Variants in PKN3 observed in about 807,000 individuals in gnomAD.
The protein encoded by PKN3 is serine/threonine-protein kinase N3.
A neutral mutation model predicts 113.1 loss-of-function variants in PKN3; 91 were observed. The observed-to-expected ratio is 0.80, with a 90% CI of 0.68 to 0.96. The LOEUF (loss-of-function observed/expected upper bound fraction) is 0.96. Among genes scored for constraint, PKN3 ranks in the 40% least tolerant of loss-of-function variants. The pLI is 0.00. For missense variants in PKN3, 1,052 were observed against 1,202.2 expected, an observed-to-expected ratio of 0.88 and a Z score of 1.85; for synonymous variants, 467 against 499.0, an observed-to-expected ratio of 0.94 and a Z score of 0.85.
rs776178791 is a variant in PKN3 at position 128,705,404 on chromosome 9, C to A, written c.126C>A (p.Arg42=). The change falls in exon 2 of 22, where the codon CGC becomes CGA. Residue 42 remains arginine (R), a synonymous_variant. Transcript: ENST00000291906. The part of the protein sequence containing the change: ...KIKEGVENLR[R]VATDRRHLGH... ...AGGAGGGGGTGGAGAACCTGCGGCG[C>A]GTGGCCACAGACCGCCGCCACTTGG... The A allele has an allele frequency of 1.3e-6, 2 of 1,597,114 alleles. No individual in the cohort carries two copies. The highest frequency in any genetic ancestry group is 4.5e-5 in the East Asian group (2 of 44,004).
In PKN3 at chr9:128,714,285, C is replaced by T. The variant is rs1272476285; in HGVS notation, c.1401C>T (p.Ser467=). The change falls in exon 11 of 22, where the codon TCC becomes TCT. Residue 467 remains serine, a synonymous_variant. Coordinates refer to ENST00000291906, the MANE Select transcript of PKN3 (RefSeq NM_013355.5). ...TGAACCTGCTGCCCCCCTGCAGCTCCCCGAGCACAATCAGCCCCCCTAAAG... is the reference window on the plus strand; with the variant it reads ...TGAACCTGCTGCCCCCCTGCAGCTCTCCGAGCACAATCAGCCCCCCTAAAG... ...LVMNLLPPCS[S]PSTISPPKGC... The T allele has an allele frequency of 1.2e-6, 2 of 1,613,552 alleles. No homozygotes were observed. The highest frequency in any genetic ancestry group is 2.7e-5 in the African/African-American group (2 of 74,868).
At chr9:128,717,407 C>T (rs113422256) in intron 16 of PKN3, among the ~76,000 whole-genome samples, 12,747 of 151,212 alleles carry the variant, frequency 0.084, 1,820 homozygotes, top group African/African-American at 0.29. Flanking sequence ...AGATTACAGG[C>T]GTGAGCCACC....
chr9:128,710,499 CT>C (rs568117410), intron 6 of PKN3, among the ~76,000 whole-genome samples: 8 of 149,166 alleles, frequency 5.4e-5, no homozygotes, highest in Admixed American at 6.7e-5. Context: ...ATTTTCTTTT[CT>C]TTTTTTTTTG....
chr9:128,715,054 T>G lies in PKN3; in HGVS notation c.1653-118T>G. 8.4e-7 allele frequency: 1 copy of G among 1,188,720 alleles called. No homozygotes were observed. The highest frequency in any genetic ancestry group is 1.3e-5 in the South Asian group (1 of 78,206). The allele number at this position is 1,188,720 out of a possible 1,614,324, so 73.6% of individuals were successfully genotyped here. On this transcript the variant is annotated intron_variant, in intron 13 of 21. Transcript: ENST00000291906. The surrounding 1 kb of genome is among the most constrained non-coding windows in gnomAD (Gnocchi z 4.1). ...CTTCTAGGAGTCCTTACTGCAGGGCTTTTTCGAGCCCATAGGTCGGGACAG... is the reference window on the plus strand; with the variant it reads ...CTTCTAGGAGTCCTTACTGCAGGGCGTTTTCGAGCCCATAGGTCGGGACAG...
In PKN3 at chr9:128,706,790, C is replaced by T; in HGVS notation, c.489C>T (p.Ile163=). 1 of 1,610,738 alleles carries T rather than the reference C, an allele frequency of 6.2e-7. No homozygotes were observed. The highest frequency in any genetic ancestry group is 8.5e-7 in the Non-Finnish European group (1 of 1,178,074). ...AGGTGGCCCTGCTGCGGATGAAGAT[C>T]AGCAGCCTGGAGGCCAGTGGGTCCC... ...QLKVALLRMK[I]SSLEASGSPE... Residue 163 remains isoleucine, a synonymous_variant, in exon 4 of 22, where the codon ATC becomes ATT. Coordinates refer to ENST00000291906, the MANE Select transcript of PKN3 (RefSeq NM_013355.5).
At chr9:128,718,147 C>T (rs977911007) in intron 16 of PKN3, among the ~76,000 whole-genome samples, 178 bp from the exon 17 acceptor site, 2 of 152,082 alleles carry the variant, frequency 1.3e-5, no homozygotes, top group South Asian at 2.1e-4. Context: ...AACCTTGGGG[C>T]GACCTTGGGA....
rs147135347 is a variant in PKN3 at position 128,711,685 on chromosome 9, G to A, written c.836-1367G>A. 3.9e-3 allele frequency among the ~76,000 whole-genome samples: 590 copies of A among 151,562 alleles called. 4 individuals carry two copies. Among genetic ancestry groups the A allele is most frequent in the African/African-American group, 0.013 (533 of 41,248 alleles). ...ATAATCTTGACTCACTGCAACCTCC[G>A]CCTCCCAGGTTCAAGCGATTCTCCT... is the stretch of plus-strand genomic sequence containing the variant. On this transcript the variant is annotated intron_variant, in intron 6 of 21. Coordinates refer to ENST00000291906, the MANE Select transcript of PKN3 (RefSeq NM_013355.5).
At position 128,707,154 on chromosome 9, in the gene PKN3, G is replaced by A. The variant is rs964461992; in HGVS notation, c.652-68G>A. The A allele has an allele frequency of 2.2e-5, 35 of 1,578,424 alleles. No homozygotes were observed. In the East Asian group the frequency reaches 4.3e-4, roughly 19 times the overall value. ...GAGACTTCATGCGGAAGGTGGCTCCGGGTGACCTGGGCTGCTGCCCCCTGC... is the reference window on the plus strand; with the variant it reads ...GAGACTTCATGCGGAAGGTGGCTCCAGGTGACCTGGGCTGCTGCCCCCTGC... On this transcript the variant is annotated intron_variant, in intron 5 of 21. Transcript: ENST00000291906.
chr9:128,716,933 A>C lies in PKN3; in HGVS notation c.1985+10A>C, dbSNP rs762684146. 6.2e-7 allele frequency: 1 copy of C among 1,612,382 alleles called. No individual in the cohort carries two copies. The highest frequency in any genetic ancestry group is 2.2e-5 in the East Asian group (1 of 44,820). Reference sequence around the variant, plus strand: ...CCGAGCCCCAGGCCCGGTGGGTTCCATCCCTCCTGCCTGCCTCTTCCAGCA... The same window carrying C: ...CCGAGCCCCAGGCCCGGTGGGTTCCCTCCCTCCTGCCTGCCTCTTCCAGCA... On this transcript the variant is annotated intron_variant, in intron 16 of 21. Coordinates refer to ENST00000291906, the MANE Select transcript of PKN3 (RefSeq NM_013355.5).
At chr9:128,713,723 G>A (rs780264420) in intron 9 of PKN3, 81 bp downstream of exon 9, 169 of 1,389,244 alleles carry the variant, frequency 1.2e-4, no homozygotes, top group Non-Finnish European at 1.5e-4. Context: ...GATGCACTGC[G>A]TGTAGGTGCA....
chr9:128,705,382 A>AG lies in PKN3; in HGVS notation c.109dup (p.Val37GlyfsTer53). 1 of 1,597,272 alleles carries AG rather than the reference A, an allele frequency of 6.3e-7. No homozygotes were observed. Among genetic ancestry groups the AG allele is most frequent in the Non-Finnish European group, 8.5e-7 (1 of 1,172,598 alleles). On this transcript the variant is annotated frameshift_variant, in exon 2 of 22. Transcript: ENST00000291906. LOFTEE classifies it high-confidence loss of function. Reference sequence around the variant, plus strand: ...ATCCAGAAAGAGCTGAAGATCAAGGAGGGGGTGGAGAACCTGCGGCGCGTG... The same window carrying AG: ...ATCCAGAAAGAGCTGAAGATCAAGGAGGGGGGTGGAGAACCTGCGGCGCGTG...
rs1352194579 is a variant in PKN3 at position 128,719,963 on chromosome 9, GGACGCCCC to G, written c.2323_2330del (p.Asp775LeufsTer11). 1.1e-5 allele frequency: 17 copies of G among 1,614,030 alleles called. No homozygotes were observed. Among genetic ancestry groups the G allele is most frequent in the Non-Finnish European group, 1.4e-5 (17 of 1,180,016 alleles). Reference sequence around the variant, plus strand: ...AGGTGTTTGACTGCATCGTCAACATGGACGCCCCCTACCCCGGCTTTCTGTCGGTGCAA... The same window carrying G: ...AGGTGTTTGACTGCATCGTCAACATGCTACCCCGGCTTTCTGTCGGTGCAA... On this transcript the variant is annotated frameshift_variant, in exon 20 of 22. Coordinates refer to ENST00000291906, the MANE Select transcript of PKN3 (RefSeq NM_013355.5). LOFTEE classifies it high-confidence loss of function.
rs1862025674 is a variant in PKN3, at chr9:128,706,630, G to A, written c.412-83G>A. On this transcript the variant is annotated intron_variant, in intron 3 of 21. Transcript: ENST00000291906. ...TTCACTTTAACCCTGTTTTGATGGG[G>A]GAGACCCGGCTCCAGTTCCTGGTCT... The A allele has an allele frequency of 9.7e-6, 10 of 1,035,456 alleles. No individual in the cohort carries two copies. The South Asian group carries it at 1.5e-4, about 16-fold the overall frequency. 64.1% of individuals were successfully genotyped at this position (1,035,456 alleles called of 1,614,324 possible). A position where few individuals can be genotyped will look rare whatever the true frequency, so the allele number is the denominator to read the frequency against.
intron 1 of PKN3, chr9:128,704,077 T>C: frequency 1.0e-6 from 1 of 984,970 alleles, no homozygotes; most frequent in Non-Finnish European, 1.2e-6. Context: ...GGTCCCTGAG[T>C]CTGGGGTTGC....
chr9:128,718,034 C>CA (rs1183390774), intron 16 of PKN3, among the ~76,000 whole-genome samples: 2,224 of 123,808 alleles, frequency 0.018, 22 homozygotes, highest in African/African-American at 0.029. Context: ...GACTCCGTCT[C>CA]AAAAAAAAAA....
rs754115435 is a variant in PKN3 at position 128,720,437 on chromosome 9, C to A, written c.2501C>A (p.Pro834His). The change falls in exon 22 of 22, where the codon CCC becomes CAC. Residue 834 changes from proline (P) to histidine (H), a missense_variant. Coordinates refer to ENST00000291906, the MANE Select transcript of PKN3 (RefSeq NM_013355.5). The surrounding 1 kb of genome is among the most constrained non-coding windows in gnomAD (Gnocchi z 5.5). ...QALLARTIQP[P>H]FVPTLCGPAD... ...CTGCTCGCCCGCACCATCCAGCCCC[C>A]CTTCGTGCCTACCCTGTGTGGCCCT... 2.5e-5 allele frequency: 41 copies of A among 1,613,254 alleles called. No homozygotes were observed. The highest frequency in any genetic ancestry group is 8.3e-5 in the Admixed American group (5 of 59,996).
intron 6 of PKN3, among the ~76,000 whole-genome samples, chr9:128,712,199 T>C (rs1338769445): frequency 6.6e-6 from 1 of 152,136 alleles, no homozygotes; most frequent in Non-Finnish European, 1.5e-5. Flanking sequence ...CATGAGCCAC[T>C]GCGCCCGGCC....
intron 16 of PKN3, among the ~76,000 whole-genome samples, chr9:128,717,883 AAATT>A (rs904369448): frequency 2.0e-5 from 3 of 149,838 alleles, no homozygotes; most frequent in African/African-American, 7.4e-5. Flanking sequence ...AAAAAAAAAA[AAATT>A]AGCTGGGCGT....
At position 128,706,881 on chromosome 9, in the gene PKN3, C is replaced by T. The variant is rs1410386455; in HGVS notation, c.524-15C>T. 3 of 1,613,968 alleles carry T rather than the reference C, an allele frequency of 1.9e-6. No individual in the cohort carries two copies. Among genetic ancestry groups the T allele is most frequent in the Admixed American group, 1.7e-5 (1 of 60,022 alleles). ...AGGGAAGAGCAGGGCCTGAGAGCCG[C>T]CGTCCTTCCCACAGGGCCTGAGCTG... is the stretch of plus-strand genomic sequence containing the variant. On this transcript the variant is annotated splice_polypyrimidine_tract_variant and intron_variant, in intron 4 of 21. Transcript: ENST00000291906.
Sources: allele counts gnomAD v4.1 joint callset (sites outside exome capture counted in the v4.1 genomes callset), GRCh38; gene constraint gnomAD v4.1.1; non-coding constraint Gnocchi (gnomAD v3.1); transcripts MANE v1.5; gene names NCBI Gene and HGNC (gene_info 2026-07-23, HGNC 2026-07-21).